The following CS variants were observed in gnomAD, a reference collection of about 807,000 sequenced individuals.
The protein encoded by CS is citrate synthase, mitochondrial.
In CS, 13 loss-of-function variants were observed where a neutral mutation model predicts 61.4. The ratio of observed to expected loss-of-function variants is 0.21; its 90% CI spans 0.14 to 0.34. The LOEUF (loss-of-function observed/expected upper bound fraction) is 0.34, where lower values mean the gene tolerates loss of function less well. Ranked by LOEUF, CS falls within the 10% of genes least tolerant of loss-of-function variation. The probability of loss-of-function intolerance (pLI) is 1.00; values close to 1 mark genes in which losing one functional copy is unlikely to be tolerated. For missense variants in CS, 278 were observed against 573.4 expected, an observed-to-expected ratio of 0.48 and a Z score of 5.26; for synonymous variants, 159 against 215.2, an observed-to-expected ratio of 0.74 and a Z score of 2.29.
chr12:56,286,107 T>G (rs1482789022), intron 2 of CS, 84 bp from the exon 3 acceptor site: 1 of 1,173,944 alleles, frequency 8.5e-7, no homozygotes, highest in South Asian at 1.3e-5. Context: ...GAATTTGCTT[T>G]TTAGAAGCTG....
intron 1 of CS, 22 bp downstream of exon 1, chr12:56,300,138 G>T: frequency 6.4e-7 from 1 of 1,555,242 alleles, no homozygotes. Flanking sequence ...GGGACGGCGT[G>T]CTCCCTCCCC....
At chr12:56,300,037 G>C in intron 1 of CS, 123 bp downstream of exon 1, 2 of 925,466 alleles carry the variant, frequency 2.2e-6, no homozygotes, top group Non-Finnish European at 3.2e-6. Context: ...GGCCAGCCAA[G>C]CGCAGGGCCC....
chr12:56,280,634 AT>A (rs1234905054), intron 6 of CS, among the ~76,000 whole-genome samples: 3 of 151,912 alleles, frequency 2.0e-5, no homozygotes, highest in Admixed American at 6.6e-5. Flanking sequence ...TTCTAAAAAA[AT>A]AAAAATAAAA....
At chr12:56,288,219 A>C (rs2135920689) in intron 1 of CS, among the ~76,000 whole-genome samples, 1 of 152,334 alleles carries the variant, frequency 6.6e-6, no homozygotes, top group Middle Eastern at 3.4e-3. Flanking sequence ...ATCCTGGAGC[A>C]AGGCTGCACC....
intron 9 of CS, 66 bp from the exon 10 acceptor site, chr12:56,273,862 C>G: frequency 2.2e-6 from 3 of 1,375,818 alleles, no homozygotes; most frequent in Non-Finnish European, 3.1e-6. Context: ...GAGACAGGAT[C>G]TCACTCTGTC....
intron 1 of CS, among the ~76,000 whole-genome samples, chr12:56,293,088 C>T (rs1358636072): frequency 6.6e-6 from 1 of 152,124 alleles, no homozygotes. Flanking sequence ...GCCTGGGCAA[C>T]AGAGGAGACT....
At chr12:56,276,990 A>C (rs995890653) in intron 6 of CS, among the ~76,000 whole-genome samples, 1 of 151,986 alleles carries the variant, frequency 6.6e-6, no homozygotes. Context: ...ATTTGAGGTC[A>C]GGAGTTCAAG....
At chr12:56,291,338 T>C in intron 1 of CS, 2 of 893,990 alleles carry the variant, frequency 2.2e-6, no homozygotes, top group Non-Finnish European at 2.7e-6. Flanking sequence ...CCCAATTTTC[T>C]TTCTTTCTTT....
At chr12:56,281,046 C>T (rs1460910946) in intron 6 of CS, among the ~76,000 whole-genome samples, 1 of 152,220 alleles carries the variant, frequency 6.6e-6, no homozygotes, top group Non-Finnish European at 1.5e-5. Flanking sequence ...GTGGTTGCAT[C>T]AGAGCAGTGG....
At chr12:56,282,805 A>C in intron 5 of CS, 55 bp downstream of exon 5, 1 of 1,608,484 alleles carries the variant, frequency 6.2e-7, no homozygotes, top group South Asian at 1.1e-5. Context: ...CTGAGATTAG[A>C]GAAAGGCAAT....
chr12:56,297,208 C>T (rs559269850), intron 1 of CS, among the ~76,000 whole-genome samples: 165 of 152,236 alleles, frequency 1.1e-3, no homozygotes, highest in African/African-American at 3.8e-3. Flanking sequence ...CTTCAAAAGT[C>T]CAGAAGTGAA....
intron 1 of CS, among the ~76,000 whole-genome samples, chr12:56,295,991 A>G (rs1194479559): frequency 6.7e-6 from 1 of 148,768 alleles, no homozygotes; most frequent in Non-Finnish European, 1.5e-5. Context: ...AGAAGTTCTT[A>G]CAAGTTTTAA....
In CS at chr12:56,274,855, C is replaced by T; in HGVS notation, c.942G>A (p.Gln314=). The change falls in exon 9 of 11, where the codon CAG becomes CAA. Residue 314 remains glutamine, a synonymous_variant. Transcript: ENST00000351328. ...ANQEVLVWLT[Q]LQKEVGKDVS... is the part of the protein sequence containing the mutation. ...CATCTTTGCCAACTTCCTTCTGCAGCTGTGTTAGCCAGACAAGCACTTCCT... is the reference window on the plus strand; with the variant it reads ...CATCTTTGCCAACTTCCTTCTGCAGTTGTGTTAGCCAGACAAGCACTTCCT... 1 of 1,610,614 alleles carries T rather than the reference C, an allele frequency of 6.2e-7. No individual in the cohort carries two copies. The highest frequency in any genetic ancestry group is 8.5e-7 in the Non-Finnish European group (1 of 1,178,746).
chr12:56,299,884 C>A (rs1356887756), intron 1 of CS: 2 of 398,846 alleles, frequency 5.0e-6, no homozygotes, highest in Non-Finnish European at 9.1e-6. Context: ...CTTCCCCTTT[C>A]ATTTCAGACA....
chr12:56,281,246 T>C (rs928306976), intron 6 of CS, among the ~76,000 whole-genome samples: 1 of 152,266 alleles, frequency 6.6e-6, no homozygotes, highest in African/African-American at 2.4e-5. Context: ...CCAGATCATT[T>C]GTACTTTTAC....
At chr12:56,287,412 G>A (rs988730697) in intron 1 of CS, among the ~76,000 whole-genome samples, 6 of 146,212 alleles carry the variant, frequency 4.1e-5, no homozygotes, top group African/African-American at 7.7e-5. Context: ...AACCTTGGAG[G>A]CAGAGGTTGC....
At chr12:56,286,103 G>T in intron 2 of CS, 80 bp from the exon 3 acceptor site, 2 of 1,256,092 alleles carry the variant, frequency 1.6e-6, no homozygotes, top group Non-Finnish European at 2.3e-6. Context: ...TCAAGAATTT[G>T]CTTTTTAGAA....
intron 1 of CS, 44 bp from the exon 2 acceptor site, chr12:56,286,689 C>T: frequency 1.3e-6 from 2 of 1,528,552 alleles, no homozygotes; most frequent in Non-Finnish European, 1.8e-6. Context: ...TTACCCCTCC[C>T]TCTTTTATAT....
intron 1 of CS, among the ~76,000 whole-genome samples, chr12:56,293,661 C>T (rs555034684): frequency 1.3e-4 from 20 of 152,292 alleles, no homozygotes; most frequent in African/African-American, 4.6e-4. Flanking sequence ...TTGCAGTGAG[C>T]TGAGATTGCG....
Sources: allele counts gnomAD v4.1 joint callset (sites outside exome capture counted in the v4.1 genomes callset), GRCh38; gene constraint gnomAD v4.1.1; transcripts MANE v1.5; gene names NCBI Gene and HGNC (gene_info 2026-07-23, HGNC 2026-07-21).